Variants in HEMK2 observed in about 807,000 individuals in gnomAD.
HEMK2 encodes the protein HemK methyltransferase 2, ETF1 glutamine and histone H4 lysine, also known as methyltransferase HEMK2.
chr21:28,703,804 T>C, the HEMK2 span, among the ~76,000 whole-genome samples: 2 of 152,218 alleles, frequency 1.3e-5, no homozygotes, highest in Non-Finnish European at 2.9e-5. Flanking sequence ...TAAAATTTAT[T>C]GGATGCTCTG....
chr21:28,769,702 A>C, the HEMK2 span, among the ~76,000 whole-genome samples: 1 of 152,120 alleles, frequency 6.6e-6, no homozygotes. Context: ...TTCTTAACCA[A>C]ATCTACAAAG....
chr21:28,659,327 T>G, the HEMK2 span, among the ~76,000 whole-genome samples: 1 of 152,224 alleles, frequency 6.6e-6, no homozygotes, highest in East Asian at 1.9e-4. Flanking sequence ...AATTAACCTG[T>G]TAGAGCATTT....
At chr21:28,807,038 T>C in the HEMK2 span, among the ~76,000 whole-genome samples, 1 of 152,236 alleles carries the variant, frequency 6.6e-6, no homozygotes, top group African/African-American at 2.4e-5. Context: ...CTGAGGTTCC[T>C]GCTTAAGTGA....
chr21:28,605,247 C>T, the HEMK2 span, among the ~76,000 whole-genome samples: 2 of 152,188 alleles, frequency 1.3e-5, no homozygotes, highest in African/African-American at 4.8e-5. Context: ...CTTCACTGAG[C>T]TCAACTGCAC....
chr21:28,769,368 G>T, the HEMK2 span, among the ~76,000 whole-genome samples: 5 of 151,970 alleles, frequency 3.3e-5, no homozygotes, highest in African/African-American at 1.2e-4. Context: ...CATAAGGGAG[G>T]TCTTTGTTTT....
the HEMK2 span, among the ~76,000 whole-genome samples, chr21:28,805,373 A>T: frequency 6.6e-6 from 1 of 152,202 alleles, no homozygotes; most frequent in African/African-American, 2.4e-5. Context: ...TGGTTATTAT[A>T]TGATAAAATT....
At chr21:28,811,934 C>T in the HEMK2 span, among the ~76,000 whole-genome samples, 1 of 152,172 alleles carries the variant, frequency 6.6e-6, no homozygotes, top group African/African-American at 2.4e-5. Flanking sequence ...TTAAAACTTT[C>T]TTCCCTTAAG....
the HEMK2 span, among the ~76,000 whole-genome samples, chr21:28,575,929 CCTTTT>C: frequency 6.6e-6 from 1 of 152,136 alleles, no homozygotes; most frequent in Non-Finnish European, 1.5e-5. Context: ...GCAGCTTGTT[CCTTTT>C]ATCATTGAGT....
chr21:28,825,358 T>G, the HEMK2 span, among the ~76,000 whole-genome samples: 1 of 152,272 alleles, frequency 6.6e-6, no homozygotes, highest in South Asian at 2.1e-4. Flanking sequence ...GATCACGCCT[T>G]GAGAACCACT....
the HEMK2 span, among the ~76,000 whole-genome samples, chr21:28,798,165 G>A: frequency 2.0e-5 from 3 of 152,124 alleles, no homozygotes; most frequent in African/African-American, 4.8e-5. Flanking sequence ...CTCTGCACAC[G>A]GAGTATAGAC....
chr21:28,620,967 G>T, the HEMK2 span, among the ~76,000 whole-genome samples: 4 of 151,778 alleles, frequency 2.6e-5, no homozygotes, highest in South Asian at 8.3e-4. Context: ...CACCGCACCT[G>T]GCCCTCTTTT....
chr21:28,586,002 G>A, the HEMK2 span, among the ~76,000 whole-genome samples: 1 of 152,142 alleles, frequency 6.6e-6, no homozygotes, highest in Non-Finnish European at 1.5e-5. Context: ...AAGATGGCAG[G>A]ATGCACATAT....
At chr21:28,614,176 G>A in the HEMK2 span, among the ~76,000 whole-genome samples, 1 of 152,246 alleles carries the variant, frequency 6.6e-6, no homozygotes, top group African/African-American at 2.4e-5. Flanking sequence ...AACCATGGTA[G>A]GTAATTGAGT....
chr21:28,607,545 C>G, the HEMK2 span, among the ~76,000 whole-genome samples: 1 of 152,192 alleles, frequency 6.6e-6, no homozygotes, highest in Non-Finnish European at 1.5e-5. Context: ...GTTATGTTCA[C>G]CCAATCCATG....
the HEMK2 span, among the ~76,000 whole-genome samples, chr21:28,858,294 C>T: frequency 2.0e-3 from 307 of 152,298 alleles, 4 homozygotes; most frequent in African/African-American, 7.1e-3. Flanking sequence ...TCTTCCTTAA[C>T]CCCAATAAGT....
At chr21:28,693,720 T>A in the HEMK2 span, among the ~76,000 whole-genome samples, 4 of 152,350 alleles carry the variant, frequency 2.6e-5, no homozygotes, top group South Asian at 6.2e-4. Flanking sequence ...TGAGCCCTCA[T>A]CATTTCAGCT....
the HEMK2 span, among the ~76,000 whole-genome samples, chr21:28,799,254 G>T: frequency 1.3e-5 from 2 of 152,186 alleles, no homozygotes; most frequent in African/African-American, 2.4e-5. Context: ...AAGGTGAAAG[G>T]CATGTCTCAC....
chr21:28,681,930 C>G, the HEMK2 span, among the ~76,000 whole-genome samples: 2 of 152,164 alleles, frequency 1.3e-5, no homozygotes, highest in Non-Finnish European at 2.9e-5. Flanking sequence ...ATATGTTAGA[C>G]CTAAAACCAT....
the HEMK2 span, among the ~76,000 whole-genome samples, chr21:28,704,449 T>C: frequency 6.6e-6 from 1 of 151,950 alleles, no homozygotes; most frequent in Non-Finnish European, 1.5e-5. Flanking sequence ...GGACACCATC[T>C]GGGTGAGAAA....
Sources: gnomAD v4.1 joint callset for allele counts (sites outside exome capture counted in the v4.1 genomes callset) on GRCh38, gnomAD v4.1.1 for gene constraint, MANE v1.5 for transcripts, NCBI Gene and HGNC (gene_info 2026-07-23, HGNC 2026-07-21) for gene names.